The following TRAP1 variants were observed in gnomAD, a reference collection of about 807,000 sequenced individuals.
The protein encoded by TRAP1 is TNF receptor associated protein 1, also known as heat shock protein 75 kDa, mitochondrial.
Under a neutral mutation model 89.1 loss-of-function variants are expected in TRAP1, and 102 were observed. That is an observed-to-expected ratio of 1.15 (90% CI 0.98 to 1.35). TRAP1 has a LOEUF of 1.35. Ranked by LOEUF, TRAP1 falls within the 40% of genes most tolerant of loss-of-function variation. The probability of loss-of-function intolerance (pLI) is 0.00; values close to 1 mark genes in which losing one functional copy is unlikely to be tolerated. For missense variants in TRAP1, 1,256 were observed against 945.3 expected, an observed-to-expected ratio of 1.33 and a Z score of -4.31; for synonymous variants, 508 against 388.0, an observed-to-expected ratio of 1.31 and a Z score of -3.64.
chr16:3,708,748 G>A (rs183785984), intron 1 of TRAP1, among the ~76,000 whole-genome samples: 14 of 152,174 alleles, frequency 9.2e-5, no homozygotes, highest in African/African-American at 2.4e-4. Flanking sequence ...CTCGGGAGGC[G>A]GAGGTTACAG....
At chr16:3,710,878 TA>T (rs1303638108) in intron 1 of TRAP1, among the ~76,000 whole-genome samples, 1,983 of 93,420 alleles carry the variant, frequency 0.021, 27 homozygotes, top group African/African-American at 0.067. Flanking sequence ...TATATATATA[TA>T]TTTTTTTTTT....
At chr16:3,696,502 G>A (rs2051289387) in intron 1 of TRAP1, among the ~76,000 whole-genome samples, 1 of 152,256 alleles carries the variant, frequency 6.6e-6, no homozygotes, top group African/African-American at 2.4e-5. Context: ...CACAAGGAAT[G>A]GCAGAAAACA....
chr16:3,708,514 G>A (rs932202650), intron 1 of TRAP1, among the ~76,000 whole-genome samples: 4 of 152,062 alleles, frequency 2.6e-5, no homozygotes, highest in African/African-American at 9.7e-5. Context: ...ACGGGTGCCT[G>A]TAGTCCCAGC....
chr16:3,667,866 C>G (rs2050858138), intron 11 of TRAP1, among the ~76,000 whole-genome samples: 1 of 147,318 alleles, frequency 6.8e-6, no homozygotes, highest in African/African-American at 2.5e-5. Flanking sequence ...TCAAGCAATT[C>G]TCCTGCCTCA....
intron 1 of TRAP1, among the ~76,000 whole-genome samples, chr16:3,716,615 T>A (rs971672725): frequency 1.6e-5 from 2 of 127,338 alleles, no homozygotes; most frequent in Non-Finnish European, 3.3e-5. Context: ...AATGCATACA[T>A]GGTTTAGGCT....
intron 5 of TRAP1, 108 bp downstream of exon 5, chr16:3,679,611 T>G (rs1318047013): frequency 9.2e-7 from 1 of 1,090,296 alleles, no homozygotes; most frequent in Non-Finnish European, 1.4e-6. Flanking sequence ...CTGCGTGGCA[T>G]GCAACTGACA....
intron 1 of TRAP1, among the ~76,000 whole-genome samples, chr16:3,705,805 G>A (rs916568652): frequency 1.3e-5 from 2 of 151,414 alleles, no homozygotes; most frequent in Non-Finnish European, 1.5e-5. Flanking sequence ...TCAGCCTCCC[G>A]AGTAGCTGAG....
Position 3,666,050 on chromosome 16 carries a change from T to A in TRAP1, c.1304A>T (p.Glu435Val). 1.2e-6 allele frequency: 2 copies of A among 1,614,188 alleles called. No individual in the cohort carries two copies. Among genetic ancestry groups the A allele is most frequent in the Non-Finnish European group, 1.7e-6 (2 of 1,180,022 alleles). The change falls in exon 12 of 18, where the codon GAG becomes GTG. Residue 435 changes from glutamate to valine, a missense_variant. By Grantham distance (121) the Glu-to-Val change is moderately radical (BLOSUM62 -2). Coordinates refer to ENST00000246957, the MANE Select transcript of TRAP1 (RefSeq NM_016292.3). ...FFIDQSKKDA[E>V]KYAKFFEDYG... Reference sequence around the variant, plus strand: ...ATCTTCAAAAAACTTTGCATACTTCTCAGCATCTTTTTTACTCTGGTCAAT... The same window carrying A: ...ATCTTCAAAAAACTTTGCATACTTCACAGCATCTTTTTTACTCTGGTCAAT...
At chr16:3,717,384 G>C (rs1680016483) in intron 1 of TRAP1, 37 bp downstream of exon 1, 2 of 924,388 alleles carry the variant, frequency 2.2e-6, no homozygotes, top group Non-Finnish European at 2.8e-6. Flanking sequence ...TCCGTGGCCC[G>C]GCCCGCCCGC....
intron 1 of TRAP1, chr16:3,704,143 G>A (rs1238154060): frequency 6.6e-6 from 1 of 152,258 alleles, no homozygotes; most frequent in Non-Finnish European, 1.5e-5. Context: ...TCAGGGGTTT[G>A]AGAACAGCCT....
intron 8 of TRAP1, 60 bp from the exon 9 acceptor site, chr16:3,674,554 C>A: frequency 6.3e-7 from 1 of 1,582,468 alleles, no homozygotes; most frequent in Non-Finnish European, 8.6e-7. Flanking sequence ...TCTCCACCAC[C>A]GTGCAGGCCT....
Position 3,674,399 on chromosome 16 carries a change from G to T in TRAP1, c.984C>A (p.Thr328=), listed in dbSNP as rs767156372. ...GCGGTGCGTCCGTCTTATAGTGCAG[G>T]GTGTAGCGGGGCTTGTCGTGAGCCT... ...VAQAHDKPRY[T]LHYKTDAPLN... The change falls in exon 9 of 18, where the codon ACC becomes ACA. Residue 328 remains threonine, a synonymous_variant. Transcript: ENST00000246957. 6.2e-7 allele frequency: 1 copy of T among 1,614,126 alleles called. No individual in the cohort carries two copies.
intron 4 of TRAP1, among the ~76,000 whole-genome samples, chr16:3,682,092 G>T (rs956438788): frequency 2.0e-5 from 3 of 152,046 alleles, no homozygotes; most frequent in African/African-American, 7.2e-5. Context: ...AAGATTCCAA[G>T]GTAATTCAAT....
chr16:3,710,875 A>ATTT (rs1463164560), intron 1 of TRAP1, among the ~76,000 whole-genome samples: 77 of 59,118 alleles, frequency 1.3e-3, no homozygotes, highest in African/African-American at 4.6e-3. Context: ...ATATATATAT[A>ATTT]TATATTTTTT....
At chr16:3,685,770 T>C (rs1278251168) in intron 4 of TRAP1, among the ~76,000 whole-genome samples, 1 of 152,242 alleles carries the variant, frequency 6.6e-6, no homozygotes, top group African/African-American at 2.4e-5. Context: ...CCAGTAGTTA[T>C]TGCTGGATGA....
chr16:3,689,560 G>C (rs1268061108), intron 2 of TRAP1, among the ~76,000 whole-genome samples: 1 of 152,160 alleles, frequency 6.6e-6, no homozygotes, highest in African/African-American at 2.4e-5. Flanking sequence ...AGTCTGGCTG[G>C]GCACCATGGC....
chr16:3,658,397 G>A, intron 17 of TRAP1, 167 bp from the exon 18 acceptor site: 1 of 641,830 alleles, frequency 1.6e-6, no homozygotes, highest in South Asian at 2.0e-5. Flanking sequence ...TGGGATTACA[G>A]GCGTGAGCCA....
chr16:3,665,529 T>C (rs953915935), intron 12 of TRAP1: 2 of 163,534 alleles, frequency 1.2e-5, no homozygotes, highest in African/African-American at 4.8e-5. Context: ...CTGGCCCCTG[T>C]AGCATAGTAT....
At position 3,709,117 on chromosome 16, in the gene TRAP1, A is replaced by T. The variant is rs2051491187; in HGVS notation, c.88+8304T>A. ...GGCGTGAGCCACCGTGCCTGGCCCG[A>T]CACTGTCTCAATTTTTAAAAGTTAT... On this transcript the variant is annotated intron_variant, in intron 1 of 17. Coordinates refer to ENST00000246957, the MANE Select transcript of TRAP1 (RefSeq NM_016292.3). 2.0e-5 allele frequency among the ~76,000 whole-genome samples: 3 copies of T among 150,670 alleles called. No homozygotes were observed. The South Asian group carries it at 6.3e-4, about 32-fold the overall frequency.
Sources: allele counts gnomAD v4.1 joint callset (sites outside exome capture counted in the v4.1 genomes callset), GRCh38; gene constraint gnomAD v4.1.1; transcripts MANE v1.5; gene names NCBI Gene and HGNC (gene_info 2026-07-23, HGNC 2026-07-21).